The following CCSER1 variants were observed in gnomAD, a reference collection of about 807,000 sequenced individuals.
The protein encoded by CCSER1 is serine-rich coiled-coil domain-containing protein 1.
CCSER1 carries 41 observed loss-of-function variants against 82.0 expected under a neutral mutation model. The observed-to-expected ratio is 0.50, with a 90% CI of 0.39 to 0.65. CCSER1 has a LOEUF of 0.65. CCSER1 is among the 30% of genes least tolerant of loss of function. The pLI is 0.00. For missense variants in CCSER1, 1,119 were observed against 1,064.2 expected (o/e 1.05, Z -0.72); for synonymous variants, 414 against 383.9 (o/e 1.08, Z -0.92).
chr4:90,183,654 C>G (rs1463364158), intron 1 of CCSER1, among the ~76,000 whole-genome samples: 2 of 152,118 alleles, frequency 1.3e-5, no homozygotes, highest in Non-Finnish European at 2.9e-5. Context: ...CAGCTATAGT[C>G]TGACTTGAGC....
intron 3 of CCSER1, among the ~76,000 whole-genome samples, chr4:90,394,259 A>G (rs1751646751): frequency 6.6e-6 from 1 of 152,094 alleles, no homozygotes; most frequent in African/African-American, 2.4e-5. Flanking sequence ...TTACTAGAAT[A>G]TAGTTATCTA....
chr4:90,405,783 A>G (rs1361237674), intron 4 of CCSER1, among the ~76,000 whole-genome samples: 1 of 152,202 alleles, frequency 6.6e-6, no homozygotes, highest in African/African-American at 2.4e-5. Flanking sequence ...TGAAGGAAAG[A>G]TAAAGTCTTT....
intron 10 of CCSER1, among the ~76,000 whole-genome samples, chr4:91,469,329 G>T (rs1214532580): frequency 6.6e-6 from 1 of 152,134 alleles, no homozygotes; most frequent in Non-Finnish European, 1.5e-5. Flanking sequence ...GTAGAACATA[G>T]TTTTTAAAAA....
chr4:91,158,133 A>G (rs949236423), intron 10 of CCSER1, among the ~76,000 whole-genome samples: 1 of 152,026 alleles, frequency 6.6e-6, no homozygotes, highest in African/African-American at 2.4e-5. Flanking sequence ...TGGCATCAGT[A>G]TTGAATGCTT....
intron 10 of CCSER1, among the ~76,000 whole-genome samples, chr4:91,090,878 A>G (rs71597225): frequency 0.1 from 15,229 of 152,050 alleles, 1,012 homozygotes; most frequent in East Asian, 0.27. Flanking sequence ...CTTTTCCATC[A>G]ATGCCTGGAG....
At chr4:90,608,605 A>G (rs1785043866) in intron 5 of CCSER1, among the ~76,000 whole-genome samples, 1 of 152,174 alleles carries the variant, frequency 6.6e-6, no homozygotes, top group African/African-American at 2.4e-5. Context: ...ACAAATATAT[A>G]CATTATCATT....
chr4:91,086,744 G>A (rs1351421315), intron 10 of CCSER1, among the ~76,000 whole-genome samples: 1 of 152,040 alleles, frequency 6.6e-6, no homozygotes, highest in Non-Finnish European at 1.5e-5. Flanking sequence ...CTTCCTTTCT[G>A]TATAAACAGA....
intron 9 of CCSER1, among the ~76,000 whole-genome samples, chr4:91,060,186 C>G (rs934170503): frequency 6.6e-5 from 10 of 152,076 alleles, no homozygotes; most frequent in African/African-American, 2.4e-4. Flanking sequence ...TAAAAATATT[C>G]AACTAGCTAT....
rs188067581 is a variant in CCSER1, at chr4:90,836,039, G to A, written c.2094+20194G>A. 8.5e-5 allele frequency among the ~76,000 whole-genome samples: 13 copies of A among 152,276 alleles called. No homozygotes were observed. The East Asian group carries it at 2.5e-3, about 29-fold the overall frequency. ...TAGGGAAAACATTCTCATTTTGGTA[G>A]CATTCCCAACATTTTGAGATAGTTT... On this transcript the variant is annotated intron_variant, in intron 8 of 10. Transcript: ENST00000509176.
At chr4:90,765,316 A>G (rs1158760233) in intron 7 of CCSER1, among the ~76,000 whole-genome samples, 2 of 152,170 alleles carry the variant, frequency 1.3e-5, no homozygotes, top group Non-Finnish European at 2.9e-5. Context: ...ATCCTAATGC[A>G]CTTATTAACG....
At chr4:90,855,691 G>A (rs1345400490) in intron 8 of CCSER1, among the ~76,000 whole-genome samples, 1 of 151,932 alleles carries the variant, frequency 6.6e-6, no homozygotes, top group Admixed American at 6.6e-5. Context: ...TTTATTAATT[G>A]ATTAATATCT....
intron 10 of CCSER1, among the ~76,000 whole-genome samples, chr4:91,595,237 A>G (rs1764510276): frequency 6.6e-6 from 1 of 152,142 alleles, no homozygotes; most frequent in Non-Finnish European, 1.5e-5. Context: ...GTGTAATTGC[A>G]CAGAATTTAA....
intron 8 of CCSER1, among the ~76,000 whole-genome samples, chr4:90,912,338 C>T (rs1038522288): frequency 3.3e-5 from 5 of 152,186 alleles, no homozygotes; most frequent in East Asian, 1.9e-4. Context: ...CACCAATATT[C>T]GCTATTCTGC....
chr4:90,224,971 T>A (rs1578588820), intron 1 of CCSER1, among the ~76,000 whole-genome samples: 1 of 152,160 alleles, frequency 6.6e-6, no homozygotes, highest in African/African-American at 2.4e-5. Context: ...TGTATACAAC[T>A]TCCCAATCAT....
At chr4:90,902,379 C>A (rs563048859) in intron 8 of CCSER1, among the ~76,000 whole-genome samples, 1 of 152,124 alleles carries the variant, frequency 6.6e-6, no homozygotes, top group South Asian at 2.1e-4. Context: ...TTTTGTACTG[C>A]TCAAGTTGTG....
chr4:90,779,730 C>T (rs1040101431), intron 7 of CCSER1, among the ~76,000 whole-genome samples: 13 of 152,132 alleles, frequency 8.5e-5, no homozygotes, highest in South Asian at 4.1e-4. Context: ...TTTGAAGCTA[C>T]GGCTTAGACA....
chr4:91,592,316 T>G (rs1392108362), intron 10 of CCSER1, among the ~76,000 whole-genome samples: 1 of 152,100 alleles, frequency 6.6e-6, no homozygotes, highest in African/African-American at 2.4e-5. Context: ...AATAGCAGCA[T>G]GGGGGTAACT....
chr4:91,117,918 CTTCTT>C (rs1726765236), intron 10 of CCSER1, among the ~76,000 whole-genome samples: 1 of 152,154 alleles, frequency 6.6e-6, no homozygotes, highest in Non-Finnish European at 1.5e-5. Context: ...AATTCACTGT[CTTCTT>C]TTCCATTACC....
At position 90,905,853 on chromosome 4, in the gene CCSER1, A is replaced by G. The variant is rs139159861; in HGVS notation, c.2095-17517A>G. 6.2e-3 allele frequency among the ~76,000 whole-genome samples: 950 copies of G among 152,306 alleles called. 4 individuals carry two copies. Among genetic ancestry groups the G allele is most frequent in the African/African-American group, 0.022 (901 of 41,564 alleles). ...CTAAAAGGGCTCACTGTGAACATTT[A>G]GCCAAAATGTCGCATAACTAGTTTT... is the stretch of plus-strand genomic sequence containing the variant. On this transcript the variant is annotated intron_variant, in intron 8 of 10. Transcript: ENST00000509176.
Sources: allele counts gnomAD v4.1 joint callset (sites outside exome capture counted in the v4.1 genomes callset), GRCh38; gene constraint gnomAD v4.1.1; transcripts MANE v1.5; gene names NCBI Gene and HGNC (gene_info 2026-07-23, HGNC 2026-07-21).